The following GYPE variants were observed in gnomAD, a reference collection of about 807,000 sequenced individuals.
GYPE encodes the protein glycophorin-E.
GYPE carries 8 observed loss-of-function variants against 11.6 expected under a neutral mutation model. That is an observed-to-expected ratio of 0.69 (90% CI 0.41 to 1.25). The LOEUF (loss-of-function observed/expected upper bound fraction) is 1.25, where lower values mean the gene tolerates loss of function less well. GYPE is among the 50% of genes most tolerant of loss of function. The pLI is 0.01. For synonymous variants in GYPE, 28 were observed against 29.6 expected, an observed-to-expected ratio of 0.94 and a Z score of 0.18; for missense variants, 90 against 92.8, an observed-to-expected ratio of 0.97 and a Z score of 0.12.
In GYPE at chr4:143,872,023, G is replaced by C. The variant is rs1403375609; in HGVS notation, c.*239C>G. 1.3e-5 allele frequency: 2 copies of C among 152,238 alleles called. No homozygotes were observed. 9.4% of individuals were successfully genotyped at this position (152,238 alleles called of 1,614,324 possible). A position where few individuals can be genotyped will look rare whatever the true frequency, so the allele number is the denominator to read the frequency against. ...AGGATTTCGTGATGAGAATCGGGCAGAACTGGAGTTTAATCCTCATGTCAT... is the reference window on the plus strand; with the variant it reads ...AGGATTTCGTGATGAGAATCGGGCACAACTGGAGTTTAATCCTCATGTCAT... On this transcript the variant is annotated 3_prime_UTR_variant, in exon 4 of 4. Transcript: ENST00000358615.
In GYPE at chr4:143,880,374, T is replaced by G. The variant is rs1578956996; in HGVS notation, c.136+37A>C. ...ATAGGGTTGCATCACAAAAACGATT[T>G]CGGAGCCACAATTTAAAAATAAAAA... On this transcript the variant is annotated intron_variant, in intron 2 of 3. Transcript: ENST00000358615. 3.1e-6 allele frequency: 5 copies of G among 1,613,638 alleles called. No homozygotes were observed. In the African/African-American group the frequency reaches 4.0e-5, roughly 13 times the overall value.
At chr4:143,894,506 A>C (rs7666447) in intron 1 of GYPE, among the ~76,000 whole-genome samples, 3 of 151,774 alleles carry the variant, frequency 2.0e-5, no homozygotes, top group Non-Finnish European at 4.4e-5. Flanking sequence ...TGTCCTTTCT[A>C]TTTGTTAGTT....
chr4:143,873,278 T>C (rs1390804890), intron 3 of GYPE: 1 of 324,832 alleles, frequency 3.1e-6, no homozygotes, highest in Non-Finnish European at 6.1e-6. Flanking sequence ...TTTAATAGAC[T>C]TAGGTAAGAC....
chr4:143,875,635 G>T (rs1743767495), intron 3 of GYPE: 2 of 1,417,722 alleles, frequency 1.4e-6, no homozygotes, highest in Non-Finnish European at 1.9e-6. Context: ...GGCTTCTAAA[G>T]GGTACCTAGG....
At chr4:143,887,515 G>C (rs1838524) in intron 1 of GYPE, among the ~76,000 whole-genome samples, 128,452 of 138,844 alleles carry the variant, frequency 0.93, 60,292 homozygotes, top group South Asian at 1. Context: ...AACATACTCT[G>C]AAGACCTTAC....
intron 1 of GYPE, among the ~76,000 whole-genome samples, chr4:143,905,269 C>T (rs1004182032): frequency 2.2e-4 from 34 of 152,168 alleles, no homozygotes; most frequent in African/African-American, 5.5e-4. Flanking sequence ...AAACTGGATT[C>T]GGCCATAAAT....
chr4:143,876,008 C>A (rs893157272), intron 3 of GYPE, among the ~76,000 whole-genome samples: 6 of 150,884 alleles, frequency 4.0e-5, no homozygotes, highest in East Asian at 1.9e-4. Context: ...ATTAATGATT[C>A]AAAAAAAATC....
intron 1 of GYPE, among the ~76,000 whole-genome samples, chr4:143,896,540 C>T (rs984912027): frequency 7.2e-5 from 11 of 152,264 alleles, no homozygotes; most frequent in East Asian, 3.9e-4. Context: ...GAAATAGGAA[C>T]ACTTTTACAT....
At chr4:143,904,137 TTTC>T (rs1309503895) in intron 1 of GYPE, among the ~76,000 whole-genome samples, 1 of 152,042 alleles carries the variant, frequency 6.6e-6, no homozygotes, top group Admixed American at 6.6e-5. Context: ...TTTCTGTAAT[TTTC>T]TTTTCTCTCT....
chr4:143,874,371 T>C (rs941995381), intron 3 of GYPE, among the ~76,000 whole-genome samples: 1 of 152,088 alleles, frequency 6.6e-6, no homozygotes, highest in African/African-American at 2.4e-5. Flanking sequence ...ACAAACACCA[T>C]TCCTTGTCAT....
intron 3 of GYPE, among the ~76,000 whole-genome samples, chr4:143,873,055 T>C (rs1293011659): frequency 6.6e-6 from 1 of 152,162 alleles, no homozygotes; most frequent in East Asian, 1.9e-4. Context: ...AAGGAGGGAA[T>C]ATAAAAAACA....
rs185572056 is a variant in GYPE at position 143,893,920 on chromosome 4, C to G, written c.37+11551G>C. Among the ~76,000 whole-genome samples the G allele has an allele frequency of 2.6e-3, 399 of 152,272 alleles. 2 individuals are homozygous for G. The highest frequency in any genetic ancestry group is 1.6e-3 in the Non-Finnish European group (106 of 68,014). On this transcript the variant is annotated intron_variant, in intron 1 of 3. Coordinates refer to ENST00000358615, the MANE Select transcript of GYPE (RefSeq NM_198682.3). ...CTGCAGAGTGTTTTCCAACTTGTTT[C>G]CATTCTCCCCATCACTTTCAGGTAC...
chr4:143,902,439 T>A (rs1489089364), intron 1 of GYPE, among the ~76,000 whole-genome samples: 2 of 151,762 alleles, frequency 1.3e-5, no homozygotes, highest in Non-Finnish European at 2.9e-5. Context: ...CACAGGGCAA[T>A]AATGATCTGT....
rs1363234725 is a variant in GYPE at position 143,880,277 on chromosome 4, T to C, written c.136+134A>G. ...CTCTGTAGTAGGAATTGTGTCTACT[T>C]AGTAGGCTGTGTCTACTTAGCTCGC... On this transcript the variant is annotated intron_variant, in intron 2 of 3. Transcript: ENST00000358615. The C allele has an allele frequency of 2.1e-6, 3 of 1,412,150 alleles. No individual in the cohort carries two copies. In the East Asian group the frequency reaches 7.2e-5, roughly 34 times the overall value. The allele number at this position is 1,412,150 out of a possible 1,614,324, so 87.5% of individuals were successfully genotyped here.
chr4:143,897,895 C>T (rs960574341), intron 1 of GYPE, among the ~76,000 whole-genome samples: 3 of 152,070 alleles, frequency 2.0e-5, no homozygotes, highest in African/African-American at 7.2e-5. Context: ...AGGCTATATA[C>T]TTTAGAAACA....
intron 1 of GYPE, among the ~76,000 whole-genome samples, chr4:143,904,491 G>C (rs114186578): frequency 0.021 from 3,128 of 151,266 alleles, 119 homozygotes; most frequent in African/African-American, 0.073. Context: ...CCAGTTCTGT[G>C]TGTTCCTCAT....
At chr4:143,892,100 A>C (rs1023561062) in intron 1 of GYPE, among the ~76,000 whole-genome samples, 4 of 152,088 alleles carry the variant, frequency 2.6e-5, no homozygotes, top group Non-Finnish European at 4.4e-5. Context: ...ATTTGCGTAG[A>C]GGTGTTTGTA....
At chr4:143,878,587 T>C (rs1006336207) in intron 2 of GYPE, 6 of 458,594 alleles carry the variant, frequency 1.3e-5, no homozygotes, top group African/African-American at 1.2e-4. Flanking sequence ...AAACAAGCAA[T>C]GGGATAGTTT....
intron 1 of GYPE, among the ~76,000 whole-genome samples, chr4:143,889,936 G>C (rs1188512904): frequency 2.6e-5 from 4 of 152,196 alleles, no homozygotes; most frequent in African/African-American, 9.7e-5. Flanking sequence ...ATTCAGACCT[G>C]TGTAACTACA....
Sources: gnomAD v4.1 joint callset for allele counts (sites outside exome capture counted in the v4.1 genomes callset) on GRCh38, gnomAD v4.1.1 for gene constraint, MANE v1.5 for transcripts, NCBI Gene and HGNC (gene_info 2026-07-23, HGNC 2026-07-21) for gene names.